The following DDX1 variants were observed in gnomAD, a reference collection of about 807,000 sequenced individuals.
DDX1 encodes ATP-dependent RNA helicase DDX1.
A neutral mutation model predicts 108.7 loss-of-function variants in DDX1; 28 were observed. The observed-to-expected ratio is 0.26, with a 90% CI of 0.19 to 0.35. The LOEUF is 0.35. Ranked by LOEUF, DDX1 falls within the 10% of genes least tolerant of loss-of-function variation. The pLI is 1.00. For synonymous variants in DDX1, 295 were observed against 288.9 expected (o/e 1.02, Z -0.21); for missense variants, 710 against 884.5 (o/e 0.80, Z 2.50).
chr2:15,596,715 C>A lies in DDX1; in HGVS notation c.133-19C>A, dbSNP rs1665505917. 3.7e-6 allele frequency: 6 copies of A among 1,609,310 alleles called. No homozygotes were observed. Among genetic ancestry groups the A allele is most frequent in the Non-Finnish European group, 5.1e-6 (6 of 1,176,660 alleles). ...TAGACAACTTAATCTGTAAAATCAA[C>A]TTTTTTCCCCTCATTCAGGCTGCAG... On this transcript the variant is annotated intron_variant, in intron 3 of 25. Coordinates refer to ENST00000233084, the MANE Select transcript of DDX1 (RefSeq NM_004939.3).
chr2:15,614,309 A>AT (rs1476217705), intron 14 of DDX1, among the ~76,000 whole-genome samples: 3 of 152,202 alleles, frequency 2.0e-5, no homozygotes, highest in Non-Finnish European at 4.4e-5. Flanking sequence ...CTCCAATTCC[A>AT]TTGGTGCTCT....
chr2:15,600,448 A>G (rs1376843988), intron 6 of DDX1, among the ~76,000 whole-genome samples: 1 of 152,176 alleles, frequency 6.6e-6, no homozygotes, highest in African/African-American at 2.4e-5. Context: ...CTGATCTACA[A>G]AATGTAACAG....
At chr2:15,593,355 C>T (rs1211420865) in intron 1 of DDX1, among the ~76,000 whole-genome samples, 1 of 152,126 alleles carries the variant, frequency 6.6e-6, no homozygotes, top group Non-Finnish European at 1.5e-5. Flanking sequence ...AGGTTCACAT[C>T]TTTGGGAGTC....
At chr2:15,614,528 G>A (rs565351323) in intron 14 of DDX1, among the ~76,000 whole-genome samples, 70 of 152,264 alleles carry the variant, frequency 4.6e-4, no homozygotes, top group African/African-American at 1.6e-3. Context: ...TGGAAGGCGG[G>A]GGCTTTTAAC....
chr2:15,595,019 C>A, intron 1 of DDX1, 126 bp from the exon 2 acceptor site: 1 of 663,796 alleles, frequency 1.5e-6, no homozygotes, highest in South Asian at 2.4e-5. Context: ...GTGCCACGCT[C>A]AGTAGATTTG....
chr2:15,607,119 G>C, intron 12 of DDX1, 56 bp from the exon 13 acceptor site: 1 of 1,451,120 alleles, frequency 6.9e-7, no homozygotes, highest in Non-Finnish European at 9.5e-7. Context: ...TGTTTTATAA[G>C]TAACAGTATT....
chr2:15,627,177 A>G, intron 20 of DDX1, 32 bp downstream of exon 20: 1 of 1,217,674 alleles, frequency 8.2e-7, no homozygotes, highest in South Asian at 1.3e-5. Context: ...TTTCCTTAAT[A>G]CTTAAGAGGG....
chr2:15,602,973 A>T (rs941309291), intron 7 of DDX1, among the ~76,000 whole-genome samples: 4 of 152,216 alleles, frequency 2.6e-5, no homozygotes, highest in Admixed American at 2.6e-4. Flanking sequence ...TTAGCCTCCT[A>T]AAGTGCTGCC....
At chr2:15,630,664 A>G (rs1168629927) in intron 25 of DDX1, 112 bp from the exon 26 acceptor site, 3 of 1,098,706 alleles carry the variant, frequency 2.7e-6, no homozygotes, top group Non-Finnish European at 4.0e-6. Context: ...GCCCAGTAGT[A>G]CATTTTATTG....
intron 5 of DDX1, among the ~76,000 whole-genome samples, 155 bp from the exon 6 acceptor site, chr2:15,599,514 C>T (rs1053521910): frequency 6.6e-5 from 10 of 151,682 alleles, no homozygotes; most frequent in Non-Finnish European, 1.0e-4. Flanking sequence ...GGTTTCACCA[C>T]GTTGGCCAGG....
chr2:15,628,795 A>T lies in DDX1; in HGVS notation c.1833-2A>T, dbSNP rs1428162089. On this transcript the variant is annotated splice_acceptor_variant, in intron 22 of 25. Transcript: ENST00000233084. LOFTEE classifies it high-confidence loss of function. ...AATAGAAGGCTTTTAACCATCTTTC[A>T]GGATGGGTCTGGCAATTTCCCTGGT... 6.2e-7 allele frequency: 1 copy of T among 1,613,846 alleles called. No individual in the cohort carries two copies. Among genetic ancestry groups the T allele is most frequent in the South Asian group, 1.1e-5 (1 of 91,076 alleles).
Position 15,630,026 on chromosome 2 carries a change from A to G in DDX1, c.2008A>G (p.Ile670Val), listed in dbSNP as rs775228001. 3 of 1,613,092 alleles carry G rather than the reference A, an allele frequency of 1.9e-6. No individual in the cohort carries two copies. Among genetic ancestry groups the G allele is most frequent in the Admixed American group, 1.7e-5 (1 of 59,982 alleles). ...GATAGAAGAACACCTGAACTGTACC[A>G]TTTCTCAGGTTGAGCCGGATATAAA... The part of the protein sequence containing the change: ...SEIEEHLNCT[I>V]SQVEPDIKVP... The change falls in exon 25 of 26, where the codon ATT becomes GTT. Residue 670 changes from isoleucine to valine, a missense_variant. Transcript: ENST00000233084.
chr2:15,630,955 A>C lies in DDX1; in HGVS notation c.*49A>C, dbSNP rs373173615. On this transcript the variant is annotated 3_prime_UTR_variant, in exon 26 of 26. Transcript: ENST00000233084. The stretch of plus-strand genomic sequence containing the variant: ...TTGAGTAATGAAAGTCTGTAGTCTT[A>C]AAACTCTAAAACAGTTGTACTGCTT... The C allele has an allele frequency of 1.3e-4, 200 of 1,579,444 alleles. No individual in the cohort carries two copies. The African/African-American group carries it at 2.5e-3, about 19-fold the overall frequency.
At chr2:15,605,496 A>C (rs1196927003) in intron 10 of DDX1, among the ~76,000 whole-genome samples, 1 of 152,134 alleles carries the variant, frequency 6.6e-6, no homozygotes, top group African/African-American at 2.4e-5. Flanking sequence ...AAAGCATTAG[A>C]GAGCTGTTTT....
intron 5 of DDX1, among the ~76,000 whole-genome samples, chr2:15,598,987 T>A (rs1665544720): frequency 6.6e-6 from 1 of 152,198 alleles, no homozygotes; most frequent in Non-Finnish European, 1.5e-5. Flanking sequence ...GATCAGTTAT[T>A]TCCTTTATAA....
chr2:15,597,666 A>G (rs909944644), intron 5 of DDX1, among the ~76,000 whole-genome samples, 195 bp downstream of exon 5: 1 of 152,178 alleles, frequency 6.6e-6, no homozygotes, highest in East Asian at 1.9e-4. Flanking sequence ...TGTCCCTCCT[A>G]AAATACTAAT....
chr2:15,598,733 A>G (rs555583889), intron 5 of DDX1, among the ~76,000 whole-genome samples: 1 of 152,342 alleles, frequency 6.6e-6, no homozygotes, highest in South Asian at 2.1e-4. Context: ...AATAATCTAG[A>G]AAGGATTTCT....
chr2:15,609,256 G>A (rs1418493170), intron 13 of DDX1, among the ~76,000 whole-genome samples: 1 of 152,218 alleles, frequency 6.6e-6, no homozygotes, highest in Non-Finnish European at 1.5e-5. Flanking sequence ...ATAGACAAAA[G>A]TTAGAGGGGA....
chr2:15,594,497 G>A (rs6431716), intron 1 of DDX1, among the ~76,000 whole-genome samples: 36,459 of 151,974 alleles, frequency 0.24, 5,382 homozygotes, highest in African/African-American at 0.42. Context: ...TTTAGGATGG[G>A]CCTTGAAGTA....
Sources: gnomAD v4.1 joint callset for allele counts (sites outside exome capture counted in the v4.1 genomes callset) on GRCh38, gnomAD v4.1.1 for gene constraint, MANE v1.5 for transcripts, NCBI Gene and HGNC (gene_info 2026-07-23, HGNC 2026-07-21) for gene names.